Variants in NTRK2 observed in about 807,000 individuals in gnomAD.
NTRK2 encodes the protein BDNF/NT-3 growth factors receptor.
Under a neutral mutation model 94.5 loss-of-function variants are expected in NTRK2, and 13 were observed. That is an observed-to-expected ratio of 0.14 (90% CI 0.09 to 0.22). The LOEUF (loss-of-function observed/expected upper bound fraction) is 0.22, where lower values mean the gene tolerates loss of function less well. Among genes scored for constraint, NTRK2 ranks in the 10% least tolerant of loss-of-function variants. The probability of loss-of-function intolerance (pLI) is 1.00; values close to 1 mark genes in which losing one functional copy is unlikely to be tolerated. For synonymous variants in NTRK2, 372 were observed against 407.4 expected (o/e 0.91, Z 1.05); for missense variants, 639 against 1,071.2 (o/e 0.60, Z 5.63).
In NTRK2 at chr9:84,725,317, C is replaced by A. The variant is rs78808969; in HGVS notation, c.853+961C>A. ...CTGTAATCCTTTATCATTGTTAGTA[C>A]AATCACTATGCCCAGTGGGTACTAA... is the stretch of plus-strand genomic sequence containing the variant. On this transcript the variant is annotated intron_variant, in intron 8 of 18. Coordinates refer to ENST00000277120, the MANE Select transcript of NTRK2 (RefSeq NM_006180.6). 1.8e-4 allele frequency among the ~76,000 whole-genome samples: 28 copies of A among 152,294 alleles called. No individual in the cohort carries two copies. The East Asian group carries it at 5.2e-3, about 28-fold the overall frequency.
chr9:84,777,310 C>T (rs1016697273), intron 12 of NTRK2, among the ~76,000 whole-genome samples: 9 of 152,094 alleles, frequency 5.9e-5, no homozygotes, highest in African/African-American at 1.2e-4. Context: ...GAAACTCTAA[C>T]GGATGTTTAC....
rs369677599 is a variant in NTRK2 at position 84,708,106 on chromosome 9, T to TA, written c.428+202dup. On this transcript the variant is annotated intron_variant, in intron 5 of 18. Transcript: ENST00000277120. ...TCTCTCATTTTTAAAATTCAGTAAT[T>TA]AAAAAAAATAGAAATCTCAGTAGTG... Among the ~76,000 whole-genome samples the TA allele has an allele frequency of 3.4e-3, 510 of 152,134 alleles. 15 individuals carry two copies. In the East Asian group the frequency reaches 0.066, roughly 20 times the overall value.
At chr9:84,926,443 G>T (rs1468887893) in intron 14 of NTRK2, among the ~76,000 whole-genome samples, 1 of 151,810 alleles carries the variant, frequency 6.6e-6, no homozygotes, top group Non-Finnish European at 1.5e-5. Context: ...TGTTGGTCAG[G>T]CTGGTCTTGA....
Position 84,702,850 on chromosome 9 carries a change from C to A in NTRK2, c.359+431C>A, listed in dbSNP as rs147392549. Among the ~76,000 whole-genome samples the A allele has an allele frequency of 5.3e-3, 810 of 152,294 alleles. 8 individuals are homozygous for A. Among genetic ancestry groups the A allele is most frequent in the African/African-American group, 0.018 (760 of 41,562 alleles). On this transcript the variant is annotated intron_variant, in intron 4 of 18. Transcript: ENST00000277120. ...GTGCTTTTCCCCTCACAATAGGATT[C>A]TCTTTTGAACCTTCATTTTCCCAAA...
chr9:84,730,599 G>T (rs935741613), intron 9 of NTRK2, among the ~76,000 whole-genome samples: 6 of 141,142 alleles, frequency 4.3e-5, no homozygotes, highest in African/African-American at 1.7e-4. Context: ...AATTAGCCGG[G>T]CGTGGTAGCG....
At position 85,026,143 on chromosome 9, in the gene NTRK2, T is replaced by A. The variant is rs532689477; in HGVS notation, c.*4706T>A. ...ACAAAGCAAAGCAAAAAAAAAAATA[T>A]ATATATATATATCTGTATATGTGTT... is the stretch of plus-strand genomic sequence containing the variant. On this transcript the variant is annotated 3_prime_UTR_variant, in exon 19 of 19. Transcript: ENST00000277120. 9.8e-3 allele frequency: 2,103 copies of A among 215,502 alleles called. 12 individuals are homozygous for A. The highest frequency in any genetic ancestry group is 0.028 in the South Asian group (152 of 5,386). 13.3% of individuals were successfully genotyped at this position (215,502 alleles called of 1,614,324 possible). A position where few individuals can be genotyped will look rare whatever the true frequency, so the allele number is the denominator to read the frequency against.
intron 9 of NTRK2, among the ~76,000 whole-genome samples, chr9:84,732,385 A>G (rs1047963933): frequency 6.6e-6 from 1 of 152,196 alleles, no homozygotes; most frequent in South Asian, 2.1e-4. Context: ...AGCAACTCAG[A>G]TTCCGTGGCT....
chr9:84,952,060 G>T (rs1369167144), intron 16 of NTRK2, among the ~76,000 whole-genome samples: 2 of 152,168 alleles, frequency 1.3e-5, no homozygotes, highest in Middle Eastern at 3.2e-3. Context: ...GGGAAAAATA[G>T]ACTACTATTT....
At position 84,992,938 on chromosome 9, in the gene NTRK2, A is replaced by T. The variant is rs186980678; in HGVS notation, c.2173-27268A>T. Reference sequence around the variant, plus strand: ...AATATATAAATATATTTAATGTATTATATATATATATAACGGTTCTCACTA... The same window carrying T: ...AATATATAAATATATTTAATGTATTTTATATATATATAACGGTTCTCACTA... On this transcript the variant is annotated intron_variant, in intron 17 of 18. Transcript: ENST00000277120. Among the ~76,000 whole-genome samples, 850 of 149,542 alleles carry T rather than the reference A, an allele frequency of 5.7e-3. 26 individuals are homozygous for T. The highest frequency in any genetic ancestry group is 0.039 in the Admixed American group (580 of 14,926).
chr9:84,841,893 T>A (rs1390545726), intron 12 of NTRK2, among the ~76,000 whole-genome samples: 3 of 152,232 alleles, frequency 2.0e-5, no homozygotes, highest in Non-Finnish European at 4.4e-5. Flanking sequence ...AGAATGAACA[T>A]CCCAGGTTGA....
intron 15 of NTRK2, among the ~76,000 whole-genome samples, chr9:84,945,254 C>A (rs2078559326): frequency 6.6e-6 from 1 of 151,462 alleles, no homozygotes; most frequent in Admixed American, 6.6e-5. Flanking sequence ...TCCTCACATT[C>A]TTTTATCTCT....
At position 84,716,414 on chromosome 9, in the gene NTRK2, A is replaced by C. The variant is rs551733060; in HGVS notation, c.583+5623A>C. Among the ~76,000 whole-genome samples the C allele has an allele frequency of 4.3e-3, 653 of 152,326 alleles. 4 individuals carry two copies. The highest frequency in any genetic ancestry group is 0.015 in the African/African-American group (636 of 41,578). ...AAGAATTACTTTTGGTTTCAACCACAGTTTGTAGCACATATGTCTGTGTAG... is the reference window on the plus strand; with the variant it reads ...AAGAATTACTTTTGGTTTCAACCACCGTTTGTAGCACATATGTCTGTGTAG... On this transcript the variant is annotated intron_variant, in intron 6 of 18. Coordinates refer to ENST00000277120, the MANE Select transcript of NTRK2 (RefSeq NM_006180.6).
At chr9:84,762,224 A>G (rs2132663110) in intron 12 of NTRK2, among the ~76,000 whole-genome samples, 1 of 152,300 alleles carries the variant, frequency 6.6e-6, no homozygotes, top group East Asian at 1.9e-4. Flanking sequence ...GAACAGACTA[A>G]TAAACAAGGG....
chr9:84,873,555 CA>C, intron 14 of NTRK2: 1 of 1,054,410 alleles, frequency 9.5e-7, no homozygotes, highest in Non-Finnish European at 1.1e-6. Context: ...TTTTCAACTC[CA>C]AAGGAGATGA....
intron 12 of NTRK2, among the ~76,000 whole-genome samples, chr9:84,780,178 T>C (rs1246811757): frequency 1.3e-5 from 2 of 152,180 alleles, no homozygotes; most frequent in African/African-American, 2.4e-5. Flanking sequence ...CTTAAAACAG[T>C]TGTCATACTA....
intron 6 of NTRK2, among the ~76,000 whole-genome samples, chr9:84,713,328 A>T (rs1449482559): frequency 6.6e-6 from 1 of 152,156 alleles, no homozygotes; most frequent in Non-Finnish European, 1.5e-5. Flanking sequence ...AGTCTATAAT[A>T]CTGAAATATT....
intron 14 of NTRK2, among the ~76,000 whole-genome samples, chr9:84,898,921 C>T (rs544048285): frequency 6.6e-6 from 1 of 152,200 alleles, no homozygotes; most frequent in East Asian, 1.9e-4. Flanking sequence ...AGGCTGGTCT[C>T]GAACTCCTGA....
intron 17 of NTRK2, among the ~76,000 whole-genome samples, chr9:84,993,367 T>G (rs1256247191): frequency 6.6e-6 from 1 of 152,200 alleles, no homozygotes; most frequent in Non-Finnish European, 1.5e-5. Flanking sequence ...AATAGCCTCT[T>G]TCCTAGCTCC....
intron 9 of NTRK2, among the ~76,000 whole-genome samples, chr9:84,732,264 C>T (rs947311821): frequency 6.6e-6 from 1 of 152,190 alleles, no homozygotes; most frequent in Non-Finnish European, 1.5e-5. Flanking sequence ...TTCCCTGGTT[C>T]CCAGAACAGT....
Sources: allele counts gnomAD v4.1 joint callset (sites outside exome capture counted in the v4.1 genomes callset), GRCh38; gene constraint gnomAD v4.1.1; transcripts MANE v1.5; gene names NCBI Gene and HGNC (gene_info 2026-07-23, HGNC 2026-07-21).